The following VTI1A variants were observed in gnomAD, a reference collection of about 807,000 sequenced individuals.
VTI1A encodes vesicle transport through interaction with t-SNAREs homolog 1A.
In VTI1A, 22 loss-of-function variants were observed where a neutral mutation model predicts 34.9. That is an observed-to-expected ratio of 0.63 (90% confidence interval 0.45 to 0.90). The LOEUF (loss-of-function observed/expected upper bound fraction) is 0.90, where lower values mean the gene tolerates loss of function less well. VTI1A is among the 40% of genes least tolerant of loss of function. VTI1A has a pLI of 0.00. For missense variants in VTI1A, 268 were observed against 275.6 expected (o/e 0.97, Z 0.20); for synonymous variants, 87 against 97.3 (o/e 0.89, Z 0.62).
chr10:112,834,236 C>T, the VTI1A span, among the ~76,000 whole-genome samples: 3 of 152,214 alleles, frequency 2.0e-5, no homozygotes, highest in African/African-American at 7.2e-5. Flanking sequence ...CACCCCCGCC[C>T]CAGTCTCTGG....
chr10:112,621,071 A>G (rs1393752094), intron 5 of VTI1A, among the ~76,000 whole-genome samples: 2 of 152,174 alleles, frequency 1.3e-5, no homozygotes, highest in African/African-American at 4.8e-5. Flanking sequence ...GTTCTTTTCC[A>G]TCTTCTTGTT....
At chr10:112,665,776 C>T (rs1445565811) in intron 5 of VTI1A, among the ~76,000 whole-genome samples, 2 of 152,086 alleles carry the variant, frequency 1.3e-5, no homozygotes, top group Non-Finnish European at 2.9e-5. Flanking sequence ...AAGAATAGGT[C>T]GCAAACTTTA....
chr10:112,519,967 T>A (rs2134204196), intron 3 of VTI1A, among the ~76,000 whole-genome samples: 1 of 152,190 alleles, frequency 6.6e-6, no homozygotes, highest in East Asian at 1.9e-4. Flanking sequence ...TGTATACACT[T>A]ATATACTTTG....
At chr10:112,490,183 G>A (rs1285781878) in intron 3 of VTI1A, among the ~76,000 whole-genome samples, 1 of 152,090 alleles carries the variant, frequency 6.6e-6, no homozygotes, top group Non-Finnish European at 1.5e-5. Flanking sequence ...TCTCAAGATG[G>A]AATCATTTTT....
At chr10:112,551,768 T>A (rs757860263) in intron 5 of VTI1A, among the ~76,000 whole-genome samples, 1 of 152,114 alleles carries the variant, frequency 6.6e-6, no homozygotes, top group Non-Finnish European at 1.5e-5. Context: ...ATGGGCCTTA[T>A]GGAATACATA....
At chr10:112,613,206 T>G (rs1451088483) in intron 5 of VTI1A, among the ~76,000 whole-genome samples, 5 of 152,192 alleles carry the variant, frequency 3.3e-5, no homozygotes, top group Non-Finnish European at 7.3e-5. Flanking sequence ...AATATACTAT[T>G]TAATAATAGT....
rs142966865 is a variant in VTI1A, at chr10:112,487,589, C to T, written c.264+22932C>T. 2.8e-4 allele frequency among the ~76,000 whole-genome samples: 42 copies of T among 152,206 alleles called. No individual in the cohort carries two copies. In the East Asian group the frequency reaches 8.1e-3, roughly 29 times the overall value. On this transcript the variant is annotated intron_variant, in intron 3 of 7. Transcript: ENST00000393077. ...ATTTGCTTGCTGTAATCAAATTAAT[C>T]GGACCTTGTTATGTACAGTTGCTTC...
chr10:112,852,856 GC>G, the VTI1A span, among the ~76,000 whole-genome samples: 2 of 152,128 alleles, frequency 1.3e-5, no homozygotes, highest in Admixed American at 1.3e-4. Flanking sequence ...TCAGCTCACT[GC>G]AACCTCCACC....
At chr10:112,509,706 G>C (rs1218169470) in intron 3 of VTI1A, among the ~76,000 whole-genome samples, 1 of 152,198 alleles carries the variant, frequency 6.6e-6, no homozygotes, top group Non-Finnish European at 1.5e-5. Context: ...GAGTTGTAGA[G>C]TTGTTAAGAG....
chr10:112,704,236 G>A (rs888927054), intron 7 of VTI1A, among the ~76,000 whole-genome samples: 3 of 152,130 alleles, frequency 2.0e-5, no homozygotes, highest in Non-Finnish European at 2.9e-5. Flanking sequence ...TAAAGTCATC[G>A]TCTGACCCTT....
chr10:112,835,289 G>A, the VTI1A span, among the ~76,000 whole-genome samples: 3 of 152,102 alleles, frequency 2.0e-5, no homozygotes, highest in African/African-American at 7.2e-5. Context: ...TTTCCAAAAT[G>A]GTCTCATCTC....
intron 5 of VTI1A, among the ~76,000 whole-genome samples, chr10:112,570,308 C>T (rs1205745667): frequency 6.6e-6 from 1 of 151,932 alleles, no homozygotes; most frequent in Non-Finnish European, 1.5e-5. Context: ...GTCATTTTCC[C>T]TGCTTCCTTC....
chr10:112,801,047 C>A (rs1194818325), intron 7 of VTI1A, among the ~76,000 whole-genome samples: 2 of 152,164 alleles, frequency 1.3e-5, no homozygotes, highest in Non-Finnish European at 2.9e-5. Flanking sequence ...GATGAGGGAC[C>A]TTCAGAAAAG....
chr10:112,489,958 T>C (rs1564797874), intron 3 of VTI1A, among the ~76,000 whole-genome samples: 1 of 152,236 alleles, frequency 6.6e-6, no homozygotes, highest in Non-Finnish European at 1.5e-5. Context: ...AAAATTGAGC[T>C]GTTGCTGAGC....
At chr10:112,574,052 A>C (rs960758434) in intron 5 of VTI1A, among the ~76,000 whole-genome samples, 3 of 152,186 alleles carry the variant, frequency 2.0e-5, no homozygotes, top group Non-Finnish European at 2.9e-5. Context: ...TATTGTTTAA[A>C]TTCCATTTTT....
chr10:112,478,269 G>T (rs950113806), intron 3 of VTI1A, among the ~76,000 whole-genome samples: 1 of 150,272 alleles, frequency 6.7e-6, no homozygotes, highest in African/African-American at 2.5e-5. Context: ...CCTTGGACAT[G>T]TGGCATATTC....
At chr10:112,709,037 T>C (rs1849304429) in intron 7 of VTI1A, among the ~76,000 whole-genome samples, 1 of 152,174 alleles carries the variant, frequency 6.6e-6, no homozygotes. Context: ...TCAATTTTCT[T>C]AGGGATTATC....
chr10:112,495,868 A>G (rs996780869), intron 3 of VTI1A, among the ~76,000 whole-genome samples: 4 of 152,214 alleles, frequency 2.6e-5, no homozygotes, highest in African/African-American at 9.6e-5. Flanking sequence ...AAAAGCTTCT[A>G]ATCAGGAAGA....
intron 7 of VTI1A, among the ~76,000 whole-genome samples, chr10:112,754,146 T>G (rs1851199292): frequency 6.6e-6 from 1 of 151,856 alleles, no homozygotes; most frequent in South Asian, 2.1e-4. Context: ...CACGTAGAGG[T>G]TCCTTAGAAG....
Sources: allele counts gnomAD v4.1 joint callset (sites outside exome capture counted in the v4.1 genomes callset), GRCh38; gene constraint gnomAD v4.1.1; transcripts MANE v1.5; gene names NCBI Gene and HGNC (gene_info 2026-07-23, HGNC 2026-07-21).